The following MAPKAP1 variants were observed in gnomAD, a reference collection of about 807,000 sequenced individuals.
MAPKAP1 encodes target of rapamycin complex 2 subunit MAPKAP1.
Under a neutral mutation model 65.7 loss-of-function variants are expected in MAPKAP1, and 20 were observed. The observed-to-expected ratio is 0.30, with a 90% CI of 0.21 to 0.44. The LOEUF is 0.44. MAPKAP1 is among the 20% of genes least tolerant of loss of function. The pLI, the probability that MAPKAP1 is intolerant of heterozygous loss-of-function variation, is 1.00. For synonymous variants in MAPKAP1, 222 were observed against 244.3 expected, an observed-to-expected ratio of 0.91 and a Z score of 0.85; for missense variants, 423 against 648.0, an observed-to-expected ratio of 0.65 and a Z score of 3.77.
At chr9:125,634,878 G>A in intron 4 of MAPKAP1, among the ~76,000 whole-genome samples, 1 of 152,082 alleles carries the variant, frequency 6.6e-6, no homozygotes, top group East Asian at 1.9e-4. Flanking sequence ...TTTTTTTCAG[G>A]TGAAGACTCT....
intron 5 of MAPKAP1, among the ~76,000 whole-genome samples, chr9:125,577,969 G>T (rs1025713894): frequency 6.6e-6 from 1 of 151,860 alleles, no homozygotes; most frequent in Non-Finnish European, 1.5e-5. Flanking sequence ...TGATGACAAT[G>T]GCGGTTTTGT....
At chr9:125,512,507 G>A (rs926413886) in intron 7 of MAPKAP1, among the ~76,000 whole-genome samples, 1 of 152,130 alleles carries the variant, frequency 6.6e-6, no homozygotes, top group Non-Finnish European at 1.5e-5. Context: ...TCCTCCTGGG[G>A]ACTCGTAAAC....
At chr9:125,564,439 T>G (rs1189232901) in intron 5 of MAPKAP1, among the ~76,000 whole-genome samples, 1 of 152,214 alleles carries the variant, frequency 6.6e-6, no homozygotes, top group Non-Finnish European at 1.5e-5. Flanking sequence ...TTTCCTTTCT[T>G]TATAAAAGAT....
rs564685615 is a variant in MAPKAP1, at chr9:125,468,742, G to A, written c.1208-633C>T. ...TTCAAGTCTTGGAGCCTGGCTTCAG[G>A]CTGCAGAGGTCATTGCCCCCCTGCT... On this transcript the variant is annotated intron_variant, in intron 9 of 11. Transcript: ENST00000265960. Among the ~76,000 whole-genome samples the A allele has an allele frequency of 3.1e-4, 47 of 152,302 alleles. 2 individuals are homozygous for A. Among genetic ancestry groups the A allele is most frequent in the African/African-American group, 1.1e-3 (44 of 41,562 alleles).
intron 5 of MAPKAP1, among the ~76,000 whole-genome samples, chr9:125,579,910 ATAAT>A (rs1200674091): frequency 1.1e-4 from 17 of 152,250 alleles, no homozygotes; most frequent in Non-Finnish European, 1.2e-4. Flanking sequence ...TAGACTCAAT[ATAAT>A]CATGTAATTC....
intron 5 of MAPKAP1, among the ~76,000 whole-genome samples, chr9:125,576,135 T>G (rs1359841566): frequency 6.6e-6 from 1 of 152,164 alleles, no homozygotes; most frequent in African/African-American, 2.4e-5. Context: ...AATGCAATAC[T>G]ACAGAGACAG....
intron 1 of MAPKAP1, among the ~76,000 whole-genome samples, chr9:125,690,974 G>GTCT (rs1835148826): frequency 1.3e-5 from 2 of 152,140 alleles, no homozygotes; most frequent in African/African-American, 4.8e-5. Flanking sequence ...GATAAAAACT[G>GTCT]GTAGAGGCCG....
chr9:125,645,610 G>A (rs1196017357), intron 4 of MAPKAP1, among the ~76,000 whole-genome samples: 2 of 151,950 alleles, frequency 1.3e-5, no homozygotes, highest in African/African-American at 4.8e-5. Context: ...GGTGGCAGGT[G>A]CCTGTAGTCC....
intron 1 of MAPKAP1, among the ~76,000 whole-genome samples, chr9:125,698,278 A>AT (rs1835452461): frequency 1.1e-4 from 3 of 26,596 alleles, no homozygotes; most frequent in African/African-American, 7.7e-4. Flanking sequence ...TATAATACAT[A>AT]ATATATATAA....
intron 7 of MAPKAP1, chr9:125,513,109 C>T (rs1039031736): frequency 6.6e-6 from 1 of 152,182 alleles, no homozygotes; most frequent in Non-Finnish European, 1.5e-5. Context: ...CAGCATAGCG[C>T]TGATCTAGGC....
At chr9:125,662,816 A>G (rs1035187062) in intron 3 of MAPKAP1, among the ~76,000 whole-genome samples, 3 of 152,044 alleles carry the variant, frequency 2.0e-5, no homozygotes, top group Admixed American at 1.3e-4. Context: ...ATATTAAAAT[A>G]ATATTAATTT....
rs1829637052 is a variant in MAPKAP1, at chr9:125,522,190, T to C, written c.959-15773A>G. ...TACCAACTCTTCAGGGAAGCACCAC[T>C]GCCAGTGAATGGTTGGACCAGCCTT... On this transcript the variant is annotated intron_variant, in intron 7 of 11. Coordinates refer to ENST00000265960, the MANE Select transcript of MAPKAP1 (RefSeq NM_001006617.3). Among the ~76,000 whole-genome samples, 3 of 152,244 alleles carry C rather than the reference T, an allele frequency of 2.0e-5. No individual in the cohort carries two copies. In the South Asian group the frequency reaches 6.2e-4, roughly 32 times the overall value.
rs2132911446 is a variant in MAPKAP1 at position 125,439,288 on chromosome 9, C to T, written c.1444-276G>A. Reference sequence around the variant, plus strand: ...AGCTCTTCAGGTTCCGGAGCCCATGCTCCCTCCTGGCGTGAGCCACTCCCG... The same window carrying T: ...AGCTCTTCAGGTTCCGGAGCCCATGTTCCCTCCTGGCGTGAGCCACTCCCG... On this transcript the variant is annotated intron_variant, in intron 11 of 11. Transcript: ENST00000265960. This position sits in a 1 kb window ranked among gnomAD's most constrained non-coding sequence, Gnocchi z 4.0. Among the ~76,000 whole-genome samples the T allele has an allele frequency of 6.6e-6, 1 of 152,386 alleles. No homozygotes were observed. The highest frequency in any genetic ancestry group is 2.4e-5 in the African/African-American group (1 of 41,598).
chr9:125,445,201 G>C (rs1418253164), intron 10 of MAPKAP1, among the ~76,000 whole-genome samples: 1 of 152,234 alleles, frequency 6.6e-6, no homozygotes, highest in Admixed American at 6.5e-5. Flanking sequence ...CCAGGGGGCA[G>C]AGCTTCTGAA....
intron 7 of MAPKAP1, among the ~76,000 whole-genome samples, chr9:125,512,168 T>C (rs910826058): frequency 3.3e-5 from 5 of 152,246 alleles, no homozygotes; most frequent in Non-Finnish European, 1.5e-5. Flanking sequence ...AGCATGCAAT[T>C]CTTTAACAGC....
At chr9:125,509,840 C>G (rs1267343146) in intron 7 of MAPKAP1, among the ~76,000 whole-genome samples, 2 of 152,162 alleles carry the variant, frequency 1.3e-5, no homozygotes, top group Non-Finnish European at 2.9e-5. Context: ...TCAGGGAAAA[C>G]AGGGGAGTCA....
chr9:125,540,445 T>C (rs1288614081), intron 7 of MAPKAP1, among the ~76,000 whole-genome samples: 1 of 152,264 alleles, frequency 6.6e-6, no homozygotes, highest in Non-Finnish European at 1.5e-5. Flanking sequence ...TGAAATCTTG[T>C]TGTAGCACAA....
chr9:125,479,837 C>T (rs1454742536), intron 9 of MAPKAP1, among the ~76,000 whole-genome samples: 1 of 152,214 alleles, frequency 6.6e-6, no homozygotes, highest in Non-Finnish European at 1.5e-5. Flanking sequence ...AAATGCCACA[C>T]ACTTACTTTC....
chr9:125,627,736 C>T (rs984363408), intron 4 of MAPKAP1, among the ~76,000 whole-genome samples: 1 of 152,168 alleles, frequency 6.6e-6, no homozygotes, highest in Non-Finnish European at 1.5e-5. Flanking sequence ...CCATCTCACC[C>T]TCCAAAAAGT....
Sources: allele counts gnomAD v4.1 joint callset (sites outside exome capture counted in the v4.1 genomes callset), GRCh38; gene constraint gnomAD v4.1.1; non-coding constraint Gnocchi (gnomAD v3.1); transcripts MANE v1.5; gene names NCBI Gene and HGNC (gene_info 2026-07-23, HGNC 2026-07-21).